SUGCT: variants seen among roughly 807,000 people sequenced by gnomAD.
SUGCT encodes succinyl-CoA:glutarate CoA-transferase.
In SUGCT, 41 loss-of-function variants were observed where a neutral mutation model predicts 55.0. The ratio of observed to expected loss-of-function variants is 0.74; its 90% CI spans 0.58 to 0.97. The LOEUF is 0.97. SUGCT is among the 50% of genes least tolerant of loss of function. The pLI, the probability that SUGCT is intolerant of heterozygous loss-of-function variation, is 0.00. For synonymous variants in SUGCT, 187 were observed against 200.4 expected (o/e 0.93, Z 0.56); for missense variants, 568 against 547.8 (o/e 1.04, Z -0.37).
At chr7:40,979,069 C>G in the SUGCT span, among the ~76,000 whole-genome samples, 1 of 152,138 alleles carries the variant, frequency 6.6e-6, no homozygotes, top group South Asian at 2.1e-4. Flanking sequence ...CCCATATTCA[C>G]AGTCCCTGGC....
intron 8 of SUGCT, among the ~76,000 whole-genome samples, chr7:40,316,020 C>T (rs574503458): frequency 8.3e-4 from 127 of 152,264 alleles, no homozygotes; most frequent in Admixed American, 3.1e-3. Context: ...TGAAATACTA[C>T]AGTAGTCAGA....
intron 1 of SUGCT, chr7:40,152,847 C>T (rs534843226): frequency 6.5e-6 from 1 of 154,666 alleles, no homozygotes; most frequent in Non-Finnish European, 1.4e-5. Context: ...ACTACAAGCG[C>T]CCACCACCGT....
intron 13 of SUGCT, among the ~76,000 whole-genome samples, chr7:40,800,286 C>CTT (rs11307043): frequency 3.2e-5 from 4 of 124,644 alleles, no homozygotes; most frequent in East Asian, 2.3e-4. Flanking sequence ...GTATTCATGA[C>CTT]TTTTTTTTTT....
At chr7:40,497,111 C>T (rs1334193072) in intron 12 of SUGCT, among the ~76,000 whole-genome samples, 1 of 152,134 alleles carries the variant, frequency 6.6e-6, no homozygotes, top group Non-Finnish European at 1.5e-5. Context: ...ATTCATCCAT[C>T]GATCCCCAAA....
intron 1 of SUGCT, among the ~76,000 whole-genome samples, chr7:40,143,073 G>A (rs910281111): frequency 6.6e-6 from 1 of 152,120 alleles, no homozygotes; most frequent in Non-Finnish European, 1.5e-5. Context: ...ACCCATAAGA[G>A]GCTTCCCTTG....
At chr7:40,509,628 T>C (rs1191929533) in intron 12 of SUGCT, among the ~76,000 whole-genome samples, 2 of 152,192 alleles carry the variant, frequency 1.3e-5, no homozygotes, top group Non-Finnish European at 2.9e-5. Context: ...CCCTTTCCTA[T>C]AAGCCAGAAC....
intron 9 of SUGCT, among the ~76,000 whole-genome samples, chr7:40,344,654 A>T (rs1167187997): frequency 6.6e-6 from 1 of 152,196 alleles, no homozygotes; most frequent in Non-Finnish European, 1.5e-5. Context: ...TTTATCATGA[A>T]CCATTTACAG....
At chr7:40,510,736 T>C (rs913908587) in intron 12 of SUGCT, among the ~76,000 whole-genome samples, 3 of 152,134 alleles carry the variant, frequency 2.0e-5, no homozygotes, top group African/African-American at 7.2e-5. Flanking sequence ...AAATAAGTAT[T>C]CATGAGGTCG....
chr7:40,596,216 C>T (rs552686721), intron 12 of SUGCT, among the ~76,000 whole-genome samples: 90 of 152,210 alleles, frequency 5.9e-4, no homozygotes, highest in African/African-American at 2.1e-3. Flanking sequence ...TTGCTTTTTA[C>T]ACATTTCCTT....
chr7:40,241,801 T>C (rs1426726584), intron 7 of SUGCT, among the ~76,000 whole-genome samples: 1 of 150,852 alleles, frequency 6.6e-6, no homozygotes, highest in African/African-American at 2.4e-5. Flanking sequence ...GCATCTGTAG[T>C]CCCAGCTACT....
intron 7 of SUGCT, among the ~76,000 whole-genome samples, chr7:40,268,524 C>T (rs898484446): frequency 2.0e-5 from 3 of 152,156 alleles, no homozygotes; most frequent in African/African-American, 7.2e-5. Flanking sequence ...GGCTAGTCCC[C>T]ACGTTATCTG....
At chr7:40,988,928 A>G in the SUGCT span, among the ~76,000 whole-genome samples, 3 of 152,010 alleles carry the variant, frequency 2.0e-5, no homozygotes, top group South Asian at 2.1e-4. Context: ...TCCTCAGTAT[A>G]TAGGCAGGTT....
At chr7:40,869,346 C>G in the SUGCT span, among the ~76,000 whole-genome samples, 1 of 152,102 alleles carries the variant, frequency 6.6e-6, no homozygotes, top group Admixed American at 6.5e-5. Flanking sequence ...AGTCACATGG[C>G]AAGGAATGCA....
At chr7:40,172,434 C>T (rs533210365) in intron 1 of SUGCT, among the ~76,000 whole-genome samples, 41 of 152,226 alleles carry the variant, frequency 2.7e-4, no homozygotes, top group African/African-American at 8.7e-4. Context: ...AAGGACACAG[C>T]GTAGCGCTTC....
chr7:40,514,197 T>G (rs1793107741), intron 12 of SUGCT, among the ~76,000 whole-genome samples: 1 of 152,032 alleles, frequency 6.6e-6, no homozygotes, highest in Non-Finnish European at 1.5e-5. Flanking sequence ...ATGCCTTAAA[T>G]TGACGTTGAT....
chr7:40,966,041 ATC>A, the SUGCT span: 1 of 152,360 alleles, frequency 6.6e-6, no homozygotes, highest in East Asian at 1.9e-4. Flanking sequence ...AAAAATAAGT[ATC>A]TCTATTTGCA....
At chr7:41,023,424 G>A in the SUGCT span, among the ~76,000 whole-genome samples, 1 of 151,798 alleles carries the variant, frequency 6.6e-6, no homozygotes, top group African/African-American at 2.4e-5. Context: ...ATTAATGTTA[G>A]ACAAAATAAC....
chr7:40,699,293 AC>A (rs550362697), intron 12 of SUGCT, among the ~76,000 whole-genome samples: 24 of 152,118 alleles, frequency 1.6e-4, no homozygotes, highest in Non-Finnish European at 3.2e-4. Context: ...GATGCAGCTC[AC>A]AGTATGTTGA....
At chr7:40,143,313 C>T (rs1163124357) in intron 1 of SUGCT, among the ~76,000 whole-genome samples, 2 of 152,178 alleles carry the variant, frequency 1.3e-5, no homozygotes, top group South Asian at 4.1e-4. Flanking sequence ...CAAGGAATGC[C>T]AAATTTTTCC....
Sources: gnomAD v4.1 joint callset for allele counts (sites outside exome capture counted in the v4.1 genomes callset) on GRCh38, gnomAD v4.1.1 for gene constraint, MANE v1.5 for transcripts, NCBI Gene and HGNC (gene_info 2026-07-23, HGNC 2026-07-21) for gene names.